Variants in FAM186B observed in about 807,000 individuals in gnomAD.
FAM186B encodes the protein protein FAM186B.
FAM186B carries 68 observed loss-of-function variants against 83.4 expected under a neutral mutation model. That is an observed-to-expected ratio of 0.81 (90% CI 0.67 to 1.00). FAM186B has a LOEUF of 1.00. FAM186B is among the 50% of genes least tolerant of loss of function. The pLI, the probability that FAM186B is intolerant of heterozygous loss-of-function variation, is 0.00. For synonymous variants in FAM186B, 389 were observed against 422.0 expected (o/e 0.92, Z 0.96); for missense variants, 983 against 1,099.2 (o/e 0.89, Z 1.49).
chr12:49,607,386 C>A (rs1255925536), upstream of FAM186B, among the ~76,000 whole-genome samples: 1 of 151,710 alleles, frequency 6.6e-6, no homozygotes, highest in African/African-American at 2.4e-5. Context: ...TATGAGAGAG[C>A]AATATGAAAA....
chr12:49,621,530 A>AATGGAG, the FAM186B span, among the ~76,000 whole-genome samples: 1 of 152,236 alleles, frequency 6.6e-6, no homozygotes, highest in African/African-American at 2.4e-5. Flanking sequence ...AAGAAGATGA[A>AATGGAG]ATGGAGAGAA....
upstream of FAM186B, among the ~76,000 whole-genome samples, chr12:49,606,915 A>C (rs1162977498): frequency 6.6e-6 from 1 of 152,218 alleles, no homozygotes; most frequent in Non-Finnish European, 1.5e-5. Flanking sequence ...CTAAAATAAT[A>C]CAAAATATGT....
upstream of FAM186B, among the ~76,000 whole-genome samples, chr12:49,607,911 G>A (rs1940051838): frequency 6.6e-6 from 1 of 151,776 alleles, no homozygotes; most frequent in Non-Finnish European, 1.5e-5. Context: ...TGTTGGTCAG[G>A]CTGCTCTCAA....
chr12:49,614,216 C>T, the FAM186B span, among the ~76,000 whole-genome samples: 1 of 151,962 alleles, frequency 6.6e-6, no homozygotes, highest in African/African-American at 2.4e-5. Context: ...AATCCCATTA[C>T]TCGGTATACA....
In FAM186B at chr12:49,600,448, GCA is replaced by G. The variant is rs754916163; in HGVS notation, c.1190_1191del (p.Val397AlafsTer14). The G allele has an allele frequency of 1.2e-6, 2 of 1,612,940 alleles. No homozygotes were observed. The highest frequency in any genetic ancestry group is 1.7e-6 in the Non-Finnish European group (2 of 1,179,314). ...CCGAACACATCTGCGACCCTCGAGC[GCA>G]CAGTCATGGTGGAAAGTGGCTGGTG... ...AGHQPLSTMTVRSRVADVFGS... is the reference protein window; with the variant it reads ...AGHQPLSTMTXRSRVADVFGS... On this transcript the variant is annotated frameshift_variant, in exon 4 of 7. Coordinates refer to ENST00000257894, the MANE Select transcript of FAM186B (RefSeq NM_032130.3). LOFTEE classifies it high-confidence loss of function. This position sits in a 1 kb window ranked among gnomAD's most constrained non-coding sequence, Gnocchi z 4.3.
chr12:49,586,972 G>C (rs929302603), downstream of FAM186B, among the ~76,000 whole-genome samples: 2 of 152,220 alleles, frequency 1.3e-5, no homozygotes, highest in African/African-American at 4.8e-5. Context: ...TTGGGGATCT[G>C]TAACTGACAC....
the FAM186B span, among the ~76,000 whole-genome samples, chr12:49,618,377 C>T: frequency 6.6e-6 from 1 of 151,730 alleles, no homozygotes; most frequent in Non-Finnish European, 1.5e-5. Context: ...ACTGACAAGC[C>T]CATCCATGTA....
At chr12:49,610,019 C>A (rs2138322016), upstream of FAM186B, among the ~76,000 whole-genome samples, 1 of 152,228 alleles carries the variant, frequency 6.6e-6, no homozygotes, top group Non-Finnish European at 1.5e-5. Flanking sequence ...GTACATCAAA[C>A]CACACAACCC....
intron 5 of FAM186B, among the ~76,000 whole-genome samples, chr12:49,592,222 C>T (rs1429387635): frequency 1.3e-5 from 2 of 152,148 alleles, no homozygotes; most frequent in Admixed American, 1.3e-4. Flanking sequence ...GCCTGTAATC[C>T]CAGCACTTTG....
At chr12:49,592,492 T>G (rs1307213758) in intron 5 of FAM186B, among the ~76,000 whole-genome samples, 1 of 151,106 alleles carries the variant, frequency 6.6e-6, no homozygotes, top group Non-Finnish European at 1.5e-5. Flanking sequence ...AATAATAAAA[T>G]AACAAAACAG....
At chr12:49,593,016 T>TA (rs1399458534) in intron 5 of FAM186B, 5 of 152,052 alleles carry the variant, frequency 3.3e-5, no homozygotes, top group Non-Finnish European at 5.9e-5. Context: ...AACCACCAAA[T>TA]AAAAGGCAGA....
At chr12:49,622,023 G>T in the FAM186B span, among the ~76,000 whole-genome samples, 4 of 152,224 alleles carry the variant, frequency 2.6e-5, no homozygotes, top group Non-Finnish European at 4.4e-5. Flanking sequence ...TTTCATTAAA[G>T]AAAAGAAAAG....
At chr12:49,591,385 G>A (rs555110075) in intron 5 of FAM186B, among the ~76,000 whole-genome samples, 5 of 152,242 alleles carry the variant, frequency 3.3e-5, no homozygotes, top group Non-Finnish European at 7.4e-5. Flanking sequence ...TATATCCCTG[G>A]GAAGAGTTTG....
At chr12:49,605,758 C>CTTTTTT (rs1222575062), upstream of FAM186B, 20 of 150,956 alleles carry the variant, frequency 1.3e-4, no homozygotes, top group Non-Finnish European at 1.6e-4. Context: ...GTTGCCTTTT[C>CTTTTTT]TTTTTTTTTT....
In FAM186B at chr12:49,598,956, AGAG is replaced by A. The variant is rs1189194000; in HGVS notation, c.2172-12_2172-10del. 6.2e-7 allele frequency: 1 copy of A among 1,613,140 alleles called. No homozygotes were observed. On this transcript the variant is annotated splice_polypyrimidine_tract_variant and intron_variant, in intron 4 of 6. Coordinates refer to ENST00000257894, the MANE Select transcript of FAM186B (RefSeq NM_032130.3). The stretch of plus-strand genomic sequence containing the variant: ...GGTTGATCGCTTCTTGCCTGGGAAA[AGAG>A]GAGAAGCAATTTAGGGGGTGGAGAG...
chr12:49,609,405 C>T (rs1458987721), upstream of FAM186B, among the ~76,000 whole-genome samples: 1 of 152,210 alleles, frequency 6.6e-6, no homozygotes, highest in East Asian at 1.9e-4. Context: ...CTGCTCCACA[C>T]CCAGGCAGAT....
Position 49,604,317 on chromosome 12 carries a change from G to A in FAM186B, c.318C>T (p.Asp106=), listed in dbSNP as rs1338908236. Reference sequence around the variant, plus strand: ...GTGCCCAGCCTGCAAACTCACCCCAGTCACCCAGCCAGCGGAGAATGTCAT... The same window carrying A: ...GTGCCCAGCCTGCAAACTCACCCCAATCACCCAGCCAGCGGAGAATGTCAT... ...HLYDILRWLG[D]WGDTLTYEIG... The change falls in exon 2 of 7, where the codon GAC becomes GAT. Residue 106 remains aspartate, a synonymous_variant. Transcript: ENST00000257894. 1.9e-6 allele frequency: 3 copies of A among 1,612,776 alleles called. No individual in the cohort carries two copies. The highest frequency in any genetic ancestry group is 1.1e-5 in the South Asian group (1 of 91,074).
chr12:49,585,269 C>T (rs183687266), downstream of FAM186B, among the ~76,000 whole-genome samples: 803 of 152,286 alleles, frequency 5.3e-3, 5 homozygotes, highest in Middle Eastern at 0.01. Flanking sequence ...CTGCCCACCT[C>T]GGCCTCTCAA....
At chr12:49,605,929 A>T (rs1940011247), upstream of FAM186B, among the ~76,000 whole-genome samples, 1 of 150,450 alleles carries the variant, frequency 6.6e-6, no homozygotes, top group South Asian at 2.1e-4. Flanking sequence ...TGGCTAATTT[A>T]TTTTTTGTAT....
Sources: allele counts gnomAD v4.1 joint callset (sites outside exome capture counted in the v4.1 genomes callset), GRCh38; gene constraint gnomAD v4.1.1; non-coding constraint Gnocchi (gnomAD v3.1); transcripts MANE v1.5; gene names NCBI Gene and HGNC (gene_info 2026-07-23, HGNC 2026-07-21).